Variants in ZNF18 observed in about 807,000 individuals in gnomAD.
The protein encoded by ZNF18 is zinc finger protein 18, also known as heart development-specific gene 1 protein.
A neutral mutation model predicts 58.1 loss-of-function variants in ZNF18; 42 were observed. That is an observed-to-expected ratio of 0.72 (90% CI 0.56 to 0.93). ZNF18 has a LOEUF of 0.93. Ranked by LOEUF, ZNF18 falls within the 40% of genes least tolerant of loss-of-function variation. ZNF18 has a pLI of 0.00. For missense variants in ZNF18, 540 were observed against 644.2 expected (o/e 0.84, Z 1.75); for synonymous variants, 231 against 239.8 (o/e 0.96, Z 0.34).
At chr17:12,003,283 C>T in the ZNF18 span, among the ~76,000 whole-genome samples, 7 of 151,788 alleles carry the variant, frequency 4.6e-5, no homozygotes, top group African/African-American at 1.7e-4. Context: ...ACCAAAAATA[C>T]AAAAAATAAG....
chr17:12,006,743 A>G, the ZNF18 span, among the ~76,000 whole-genome samples: 1 of 152,152 alleles, frequency 6.6e-6, no homozygotes, highest in Non-Finnish European at 1.5e-5. Flanking sequence ...GAAGCTCAAA[A>G]AAAAGAACTG....
chr17:11,980,413 G>C (rs956896862), intron 6 of ZNF18, among the ~76,000 whole-genome samples: 14 of 152,012 alleles, frequency 9.2e-5, no homozygotes, highest in African/African-American at 3.1e-4. Flanking sequence ...TCATTTATCT[G>C]TCATGGTCAT....
chr17:11,979,013 G>A (rs1344883446), intron 6 of ZNF18, among the ~76,000 whole-genome samples: 4 of 150,908 alleles, frequency 2.7e-5, no homozygotes, highest in Admixed American at 1.3e-4. Flanking sequence ...TGATCACTCC[G>A]TAAATAAAGC....
rs1361171444 is a variant in ZNF18 at position 11,979,089 on chromosome 17, G to C, written c.863-345C>G. ...TATAGGCAACTACTGCTTTTAAAGT[G>C]ATTTTTATCTGATTATATATAAAAG... On this transcript the variant is annotated intron_variant, in intron 6 of 6. Coordinates refer to ENST00000580306, the MANE Select transcript of ZNF18 (RefSeq NM_001303281.2). 2.7e-5 allele frequency among the ~76,000 whole-genome samples: 4 copies of C among 150,362 alleles called. No individual in the cohort carries two copies. The East Asian group carries it at 7.8e-4, about 29-fold the overall frequency.
intron 6 of ZNF18, among the ~76,000 whole-genome samples, chr17:11,981,923 G>A (rs1567599443): frequency 6.6e-6 from 1 of 152,112 alleles, no homozygotes; most frequent in Non-Finnish European, 1.5e-5. Context: ...CCAGTATGAT[G>A]GTATTTGGAG....
the ZNF18 span, among the ~76,000 whole-genome samples, chr17:12,019,177 T>C: frequency 6.6e-6 from 1 of 152,042 alleles, no homozygotes; most frequent in Non-Finnish European, 1.5e-5. Flanking sequence ...TTGGCCAGGC[T>C]GGTCACTAAC....
chr17:12,020,822 G>A, the ZNF18 span: 8 of 730,548 alleles, frequency 1.1e-5, no homozygotes, highest in African/African-American at 1.8e-5. Context: ...CCCCTCGGCC[G>A]TGCGAGAGGC....
At chr17:11,984,577 A>T (rs1221336372) in intron 4 of ZNF18, among the ~76,000 whole-genome samples, 3 of 151,566 alleles carry the variant, frequency 2.0e-5, no homozygotes, top group Non-Finnish European at 2.9e-5. Context: ...GCAGTGGAGC[A>T]ATCTCTGCTC....
chr17:11,998,967 C>T (rs1968611204), upstream of ZNF18, among the ~76,000 whole-genome samples: 1 of 152,012 alleles, frequency 6.6e-6, no homozygotes, highest in Admixed American at 6.6e-5. Flanking sequence ...TGAGCCATGG[C>T]ACCTAGCTGG....
intron 6 of ZNF18, among the ~76,000 whole-genome samples, chr17:11,982,027 CCT>C (rs1431770394): frequency 6.6e-6 from 1 of 151,790 alleles, no homozygotes. Flanking sequence ...TCCTCCTCTC[CCT>C]CTCTCACCTC....
chr17:11,990,071 T>C (rs903407000), intron 4 of ZNF18, among the ~76,000 whole-genome samples: 2 of 151,458 alleles, frequency 1.3e-5, no homozygotes, highest in African/African-American at 4.8e-5. Flanking sequence ...GAAAAAAAAA[T>C]GCTTTAGAAA....
chr17:12,012,918 A>G, the ZNF18 span, among the ~76,000 whole-genome samples: 8 of 150,390 alleles, frequency 5.3e-5, no homozygotes, highest in East Asian at 6.0e-4. Context: ...CTAATTTTCT[A>G]TTAGGTTGTT....
chr17:11,980,661 C>T (rs907803920), intron 6 of ZNF18, among the ~76,000 whole-genome samples: 12 of 152,048 alleles, frequency 7.9e-5, no homozygotes, highest in Non-Finnish European at 1.5e-4. Flanking sequence ...TCAAATGATC[C>T]CCCCGCCTCA....
chr17:11,977,797 C>T lies in ZNF18; in HGVS notation c.*160G>A. 1.3e-6 allele frequency: 1 copy of T among 789,910 alleles called. No individual in the cohort carries two copies. Among genetic ancestry groups the T allele is most frequent in the South Asian group, 2.3e-5 (1 of 44,268 alleles). The allele number at this position is 789,910 out of a possible 1,614,324, so 48.9% of individuals were successfully genotyped here. A position where few individuals can be genotyped will look rare whatever the true frequency, so the allele number is the denominator to read the frequency against. On this transcript the variant is annotated 3_prime_UTR_variant, in exon 7 of 7. Transcript: ENST00000580306. Reference sequence around the variant, plus strand: ...CATTGTGCAATCCAATCCAAGATATCCTCCAAGTCCAAAGCCATGTCCAGA... The same window carrying T: ...CATTGTGCAATCCAATCCAAGATATTCTCCAAGTCCAAAGCCATGTCCAGA...
At chr17:11,998,581 CATAACAT>C (rs1184655535), upstream of ZNF18, among the ~76,000 whole-genome samples, 47 of 150,270 alleles carry the variant, frequency 3.1e-4, no homozygotes, top group Non-Finnish European at 3.4e-4. Flanking sequence ...CTGTCATTAT[CATAACAT>C]GTCCTGTACC....
At chr17:11,993,090 T>G (rs1036839538) in intron 1 of ZNF18, among the ~76,000 whole-genome samples, 179 bp from the exon 2 acceptor site, 1 of 152,218 alleles carries the variant, frequency 6.6e-6, no homozygotes, top group Non-Finnish European at 1.5e-5. Flanking sequence ...AGCAAACTAC[T>G]GATACTGTAT....
chr17:11,999,170 G>T (rs1277154687), upstream of ZNF18, among the ~76,000 whole-genome samples: 2 of 152,150 alleles, frequency 1.3e-5, no homozygotes, highest in Non-Finnish European at 2.9e-5. Flanking sequence ...TATCTTCAAT[G>T]TGTTCGCTTT....
the ZNF18 span, among the ~76,000 whole-genome samples, chr17:12,010,393 C>T: frequency 6.6e-6 from 1 of 151,664 alleles, no homozygotes; most frequent in African/African-American, 2.4e-5. Context: ...TTCTTTAAAA[C>T]TGCTTCCAAA....
intron 1 of ZNF18, chr17:11,995,664 C>T (rs966383891): frequency 5.0e-5 from 7 of 140,030 alleles, no homozygotes; most frequent in African/African-American, 1.6e-4. Flanking sequence ...GCCTGGGCGA[C>T]AGAGGGAGAC....
Sources: allele counts gnomAD v4.1 joint callset (sites outside exome capture counted in the v4.1 genomes callset), GRCh38; gene constraint gnomAD v4.1.1; transcripts MANE v1.5; gene names NCBI Gene and HGNC (gene_info 2026-07-23, HGNC 2026-07-21).